Variants in TNFSF18 observed in about 807,000 individuals in gnomAD.
TNFSF18 encodes the protein TNF superfamily member 18.
TNFSF18 carries 6 observed loss-of-function variants against 9.6 expected under a neutral mutation model. The ratio of observed to expected loss-of-function variants is 0.63; its 90% CI spans 0.34 to 1.24. TNFSF18 has a LOEUF of 1.24. Among genes scored for constraint, TNFSF18 ranks in the 50% most tolerant of loss-of-function variants. The pLI is 0.03. For missense variants in TNFSF18, 210 were observed against 201.0 expected, an observed-to-expected ratio of 1.04 and a Z score of -0.27; for synonymous variants, 68 against 71.7, an observed-to-expected ratio of 0.95 and a Z score of 0.26.
intron 2 of TNFSF18, among the ~76,000 whole-genome samples, chr1:173,043,454 G>C (rs969937493): frequency 1.3e-5 from 2 of 152,160 alleles, no homozygotes; most frequent in African/African-American, 4.8e-5. Flanking sequence ...AAATGACTCA[G>C]AAGCTAAGCT....
At chr1:173,041,798 ACCACATAC>A in intron 2 of TNFSF18, 85 bp from the exon 3 acceptor site, 1 of 1,093,000 alleles carries the variant, frequency 9.1e-7, no homozygotes, top group Non-Finnish European at 1.2e-6. Context: ...TTAATTATTT[ACCACATAC>A]ATGTTGTTTC....
intron 1 of TNFSF18, among the ~76,000 whole-genome samples, chr1:173,044,664 G>A (rs931041198): frequency 6.6e-6 from 1 of 152,186 alleles, no homozygotes; most frequent in African/African-American, 2.4e-5. Flanking sequence ...TCACCCAAAG[G>A]TTATTGGTTT....
In TNFSF18 at chr1:173,043,974, T is replaced by C. The variant is rs1261589957; in HGVS notation, c.157-5A>G. 1 of 1,612,084 alleles carries C rather than the reference T, an allele frequency of 6.2e-7. No individual in the cohort carries two copies. Among genetic ancestry groups the C allele is most frequent in the South Asian group, 1.1e-5 (1 of 91,026 alleles). ...CATACAGGGCTCCTTAGCAGTCTGT[T>C]GGGGAAATAAAAGATGAATTGATTA... On this transcript the variant is annotated splice_polypyrimidine_tract_variant and splice_region_variant and intron_variant, in intron 1 of 2. Transcript: ENST00000404377.
At chr1:173,045,621 T>C (rs1213462502) in intron 1 of TNFSF18, among the ~76,000 whole-genome samples, 1 of 148,688 alleles carries the variant, frequency 6.7e-6, no homozygotes. Context: ...GGATGAGAGA[T>C]CAAAGAGGTT....
rs1310338510 is a variant in TNFSF18, at chr1:173,040,864, A to C, written c.*503T>G. 6.6e-6 allele frequency: 1 copy of C among 152,458 alleles called. No individual in the cohort carries two copies. Among genetic ancestry groups the C allele is most frequent in the Non-Finnish European group, 1.5e-5 (1 of 68,276 alleles). 9.4% of individuals were successfully genotyped at this position (152,458 alleles called of 1,614,324 possible). ...TTCTCAGATTGTTCTTTATCTTCTAACACCACCATATCTAAAGTAGGGTAT... is the reference window on the plus strand; with the variant it reads ...TTCTCAGATTGTTCTTTATCTTCTACCACCACCATATCTAAAGTAGGGTAT... On this transcript the variant is annotated 3_prime_UTR_variant, in exon 3 of 3. Coordinates refer to ENST00000404377, the MANE Select transcript of TNFSF18 (RefSeq NM_005092.4).
In TNFSF18 at chr1:173,041,583, G is replaced by C; in HGVS notation, c.318C>G (p.Asn106Lys). The C allele has an allele frequency of 1.2e-6, 2 of 1,613,538 alleles. No individual in the cohort carries two copies. The highest frequency in any genetic ancestry group is 1.1e-5 in the South Asian group (1 of 91,068). The stretch of plus-strand genomic sequence containing the variant: ...CCTCAAAAGGAGCTACATCATTGTA[G>C]TTTGCATTGGGAGCCACTTGGCCAT... ...LIYGQVAPNA[N>K]YNDVAPFEVR... The change falls in exon 3 of 3, where the codon AAC becomes AAG. Residue 106 changes from asparagine to lysine, a missense_variant. Asn to Lys is a moderately conservative substitution (Grantham distance 94, BLOSUM62 0). Coordinates refer to ENST00000404377, the MANE Select transcript of TNFSF18 (RefSeq NM_005092.4).
chr1:173,048,281 C>T (rs1018836296), intron 1 of TNFSF18, among the ~76,000 whole-genome samples: 4 of 152,108 alleles, frequency 2.6e-5, no homozygotes, highest in African/African-American at 7.2e-5. Flanking sequence ...CATATGGGTT[C>T]GTTATTTTTG....
rs1339043489 is a variant in TNFSF18, at chr1:173,041,728, C to T, written c.188-15G>A. On this transcript the variant is annotated splice_polypyrimidine_tract_variant and intron_variant, in intron 2 of 2. Coordinates refer to ENST00000404377, the MANE Select transcript of TNFSF18 (RefSeq NM_005092.4). ...GGGTAATGGTCCTATAAGAAATATA[C>T]AAGGATAAAAAAGATGAAAGCATAG... 2.6e-6 allele frequency: 4 copies of T among 1,547,128 alleles called. No homozygotes were observed. Among genetic ancestry groups the T allele is most frequent in the Non-Finnish European group, 3.5e-6 (4 of 1,148,412 alleles).
rs1374623658 is a variant in TNFSF18 at position 173,040,285 on chromosome 1, G to A, written c.*1082C>T. ...GTTGTAGCTTCACTCTGCTCACCTT[G>A]GGCTAAAGGGGAATATGCTTCCTGA... On this transcript the variant is annotated 3_prime_UTR_variant, in exon 3 of 3. Coordinates refer to ENST00000404377, the MANE Select transcript of TNFSF18 (RefSeq NM_005092.4). The A allele has an allele frequency of 6.6e-6, 1 of 151,880 alleles. No individual in the cohort carries two copies. The highest frequency in any genetic ancestry group is 1.5e-5 in the Non-Finnish European group (1 of 67,968). The allele number at this position is 151,880 out of a possible 1,614,324, so 9.4% of individuals were successfully genotyped here. A position where few individuals can be genotyped will look rare whatever the true frequency, so the allele number is the denominator to read the frequency against.
At chr1:173,048,203 T>C (rs1282520298) in intron 1 of TNFSF18, among the ~76,000 whole-genome samples, 1 of 152,180 alleles carries the variant, frequency 6.6e-6, no homozygotes, top group Non-Finnish European at 1.5e-5. Flanking sequence ...TCTACCACTC[T>C]GTGGGGTAAG....
intron 1 of TNFSF18, 35 bp downstream of exon 1, chr1:173,050,706 G>A (rs751192631): frequency 4.3e-6 from 6 of 1,390,036 alleles, no homozygotes; most frequent in Non-Finnish European, 5.9e-6. Context: ...GAGGATTATA[G>A]CAAATAGTAA....
intron 2 of TNFSF18, 106 bp downstream of exon 2, chr1:173,043,833 T>C: frequency 9.3e-7 from 1 of 1,073,848 alleles, no homozygotes. Flanking sequence ...ACATAGTAGC[T>C]CAGAAATGAA....
chr1:173,041,561 C>T lies in TNFSF18; in HGVS notation c.340G>A (p.Glu114Lys), dbSNP rs1446293502. Reference sequence around the variant, plus strand: ...TCTTTGTTTTTATACAGCCGCACCTCAAAAGGAGCTACATCATTGTAGTTT... The same window carrying T: ...TCTTTGTTTTTATACAGCCGCACCTTAAAAGGAGCTACATCATTGTAGTTT... The part of the protein sequence containing the change: ...NANYNDVAPF[E>K]VRLYKNKDMI... Residue 114 changes from glutamate to lysine, a missense_variant, in exon 3 of 3, where the codon GAG becomes AAG. By Grantham distance (56) the Glu-to-Lys change is moderately conservative. Coordinates refer to ENST00000404377, the MANE Select transcript of TNFSF18 (RefSeq NM_005092.4). The T allele has an allele frequency of 1.9e-6, 3 of 1,613,528 alleles. No individual in the cohort carries two copies. The highest frequency in any genetic ancestry group is 2.5e-6 in the Non-Finnish European group (3 of 1,179,642).
intron 1 of TNFSF18, among the ~76,000 whole-genome samples, chr1:173,047,580 T>A (rs1234414982): frequency 6.6e-6 from 1 of 152,194 alleles, no homozygotes; most frequent in Non-Finnish European, 1.5e-5. Flanking sequence ...TAGAAAGACA[T>A]GATTACACAC....
intron 2 of TNFSF18, among the ~76,000 whole-genome samples, 162 bp from the exon 3 acceptor site, chr1:173,041,875 T>C (rs1226637870): frequency 6.6e-6 from 1 of 152,218 alleles, no homozygotes; most frequent in Non-Finnish European, 1.5e-5. Flanking sequence ...AGTACCTATC[T>C]ACTCCTTGTT....
intron 1 of TNFSF18, among the ~76,000 whole-genome samples, chr1:173,044,309 C>T (rs1157560846): frequency 2.0e-5 from 3 of 151,794 alleles, no homozygotes; most frequent in Non-Finnish European, 4.4e-5. Flanking sequence ...GCAGTTTCCA[C>T]ACCCCAGTGA....
At chr1:173,049,894 A>G (rs976910257) in intron 1 of TNFSF18, among the ~76,000 whole-genome samples, 1 of 152,088 alleles carries the variant, frequency 6.6e-6, no homozygotes, top group African/African-American at 2.4e-5. Context: ...AACAAAACTA[A>G]TCTCCATTCC....
rs945086869 is a variant in TNFSF18, at chr1:173,050,828, G to A, written c.69C>T (p.Ser23=). The A allele has an allele frequency of 6.2e-6, 10 of 1,613,554 alleles. No individual in the cohort carries two copies. Among genetic ancestry groups the A allele is most frequent in the Non-Finnish European group, 6.8e-6 (8 of 1,179,748 alleles). ...HSRTQGAQRS[S]WKLWLFCSIV... is the part of the protein sequence containing the mutation. ...TTGAGCAAAAGAGCCACAGCTTCCA[G>A]GATGATCTCTGAGCTCCTTGAGTTC... The change falls in exon 1 of 3, where the codon TCC becomes TCT. Residue 23 remains serine (S), a synonymous_variant. Coordinates refer to ENST00000404377, the MANE Select transcript of TNFSF18 (RefSeq NM_005092.4).
At chr1:173,048,503 C>T (rs907509649) in intron 1 of TNFSF18, among the ~76,000 whole-genome samples, 1 of 152,108 alleles carries the variant, frequency 6.6e-6, no homozygotes. Context: ...CTCTGCTGAA[C>T]ATTTGATTTC....
Sources: allele counts gnomAD v4.1 joint callset (sites outside exome capture counted in the v4.1 genomes callset), GRCh38; gene constraint gnomAD v4.1.1; transcripts MANE v1.5; gene names NCBI Gene and HGNC (gene_info 2026-07-23, HGNC 2026-07-21).